Variants in ANKRD27 observed in about 807,000 individuals in gnomAD.
ANKRD27 encodes the protein ankyrin repeat domain 27, also known as ankyrin repeat domain-containing protein 27.
Under a neutral mutation model 129.7 loss-of-function variants are expected in ANKRD27, and 112 were observed. The observed-to-expected ratio is 0.86, with a 90% CI of 0.74 to 1.01. The LOEUF (loss-of-function observed/expected upper bound fraction) is 1.01, where lower values mean the gene tolerates loss of function less well. ANKRD27 is among the 50% of genes least tolerant of loss of function. ANKRD27 has a pLI of 0.00. For synonymous variants in ANKRD27, 516 were observed against 511.2 expected (o/e 1.01, Z -0.13); for missense variants, 1,258 against 1,300.5 (o/e 0.97, Z 0.50).
intron 26 of ANKRD27, among the ~76,000 whole-genome samples, chr19:32,600,750 T>C (rs979688462): frequency 6.6e-6 from 1 of 152,082 alleles, no homozygotes; most frequent in Admixed American, 6.6e-5. Context: ...CTTAACTCCC[T>C]TAACTCCCCC....
At chr19:32,666,949 G>A (rs564195780) in intron 1 of ANKRD27, among the ~76,000 whole-genome samples, 1,877 of 152,134 alleles carry the variant, frequency 0.012, 51 homozygotes, top group African/African-American at 0.043. Flanking sequence ...GCCCAGCCAG[G>A]AGATCAGATT....
At chr19:32,638,781 C>G (rs1967138288) in intron 12 of ANKRD27, 1 of 156,056 alleles carries the variant, frequency 6.4e-6, no homozygotes, top group Non-Finnish European at 1.4e-5. Flanking sequence ...CTGCCCACCC[C>G]ACCTCAGTCG....
rs753577055 is a variant in ANKRD27 at position 32,644,314 on chromosome 19, C to T, written c.525+11G>A. 2.5e-5 allele frequency: 41 copies of T among 1,609,756 alleles called. No individual in the cohort carries two copies. The highest frequency in any genetic ancestry group is 3.4e-5 in the Non-Finnish European group (40 of 1,177,662). On this transcript the variant is annotated intron_variant, in intron 5 of 28. Transcript: ENST00000306065. ...AGGGCACGCCAGGCAGAGGACAGCA[C>T]GGCTACTGACTATGTGGTGACGGAG...
intron 21 of ANKRD27, 25 bp from the exon 22 acceptor site, chr19:32,615,805 AG>A (rs749389746): frequency 4.4e-6 from 7 of 1,606,752 alleles, no homozygotes; most frequent in Non-Finnish European, 6.0e-6. Context: ...TAACGGAAAC[AG>A]GAACACATCC....
At chr19:32,617,660 A>C in intron 20 of ANKRD27, 27 bp from the exon 21 acceptor site, 2 of 723,670 alleles carry the variant, frequency 2.8e-6, no homozygotes, top group Non-Finnish European at 5.1e-6. Context: ...AGAATGTTAG[A>C]AAAATGATTT....
chr19:32,599,883 CATAACCAATT>C, intron 27 of ANKRD27, 79 bp downstream of exon 27: 3 of 1,513,164 alleles, frequency 2.0e-6, no homozygotes, highest in Non-Finnish European at 2.7e-6. Flanking sequence ...CAGATTTGTC[CATAACCAATT>C]ACAATTGAAG....
At chr19:32,600,080 C>T in intron 26 of ANKRD27, 30 bp from the exon 27 acceptor site, 1 of 1,457,356 alleles carries the variant, frequency 6.9e-7, no homozygotes, top group Non-Finnish European at 9.6e-7. Context: ...CATCTAAAAA[C>T]TTCAAAAACA....
chr19:32,644,836 C>T (rs1568412939), intron 4 of ANKRD27, among the ~76,000 whole-genome samples: 1 of 152,194 alleles, frequency 6.6e-6, no homozygotes, highest in Non-Finnish European at 1.5e-5. Context: ...GGGCTGGGCG[C>T]TATAAGAGAC....
rs756058669 is a variant in ANKRD27, at chr19:32,643,415, T to G, written c.639+16A>C. 1 of 1,613,726 alleles carries G rather than the reference T, an allele frequency of 6.2e-7. No homozygotes were observed. Among genetic ancestry groups the G allele is most frequent in the South Asian group, 1.1e-5 (1 of 91,042 alleles). On this transcript the variant is annotated intron_variant, in intron 7 of 28. Transcript: ENST00000306065. Reference sequence around the variant, plus strand: ...GCAACAGGGTGTGCCTCCCAGCCACTCCGCCCCACCCTCACCTCCACTGCC... The same window carrying G: ...GCAACAGGGTGTGCCTCCCAGCCACGCCGCCCCACCCTCACCTCCACTGCC...
chr19:32,637,116 G>A (rs192187029), intron 12 of ANKRD27, among the ~76,000 whole-genome samples: 6 of 152,286 alleles, frequency 3.9e-5, no homozygotes, highest in East Asian at 3.9e-4. Flanking sequence ...ATGCATGAAC[G>A]TGTCAATAAC....
At chr19:32,653,671 T>C (rs1462922642) in intron 2 of ANKRD27, among the ~76,000 whole-genome samples, 4 of 144,080 alleles carry the variant, frequency 2.8e-5, no homozygotes, top group East Asian at 2.2e-4. Context: ...CCTGCCTGGA[T>C]GTGGGGGCAT....
At chr19:32,615,932 G>T in intron 21 of ANKRD27, 152 bp from the exon 22 acceptor site, 1 of 1,016,434 alleles carries the variant, frequency 9.8e-7, no homozygotes, top group Non-Finnish European at 1.4e-6. Flanking sequence ...GCTCCCTCAT[G>T]AAGCCTTCCT....
At chr19:32,653,867 C>A (rs1014235118) in intron 2 of ANKRD27, among the ~76,000 whole-genome samples, 2 of 152,160 alleles carry the variant, frequency 1.3e-5, no homozygotes, top group Non-Finnish European at 2.9e-5. Flanking sequence ...AAGCGTGGTG[C>A]GGTTCACTCT....
intron 22 of ANKRD27, among the ~76,000 whole-genome samples, chr19:32,608,642 A>G (rs1261913385): frequency 6.6e-6 from 1 of 152,190 alleles, no homozygotes; most frequent in African/African-American, 2.4e-5. Flanking sequence ...CTGCATATTT[A>G]TCAGAATGGC....
chr19:32,657,849 C>A (rs1035900827), intron 2 of ANKRD27, among the ~76,000 whole-genome samples: 11 of 151,950 alleles, frequency 7.2e-5, no homozygotes, highest in African/African-American at 2.7e-4. Context: ...GTTGCACACA[C>A]CTGCAATCCC....
At chr19:32,670,160 CTG>C (rs1306040555) in intron 1 of ANKRD27, among the ~76,000 whole-genome samples, 4 of 152,208 alleles carry the variant, frequency 2.6e-5, no homozygotes, top group African/African-American at 7.2e-5. Context: ...CATGCAAGAA[CTG>C]TGTAAACACA....
intron 28 of ANKRD27, among the ~76,000 whole-genome samples, chr19:32,599,447 A>G (rs12462871): frequency 0.27 from 41,402 of 152,200 alleles, 6,939 homozygotes; most frequent in East Asian, 0.73. Flanking sequence ...CATCTCCTAT[A>G]AGCACCAAGA....
At chr19:32,654,041 T>C (rs1406021647) in intron 2 of ANKRD27, among the ~76,000 whole-genome samples, 4 of 152,222 alleles carry the variant, frequency 2.6e-5, no homozygotes, top group Non-Finnish European at 4.4e-5. Context: ...GCTGGGATTA[T>C]AGGCATCTGC....
chr19:32,634,120 C>T (rs953415647), intron 12 of ANKRD27, among the ~76,000 whole-genome samples: 8 of 152,158 alleles, frequency 5.3e-5, no homozygotes, highest in African/African-American at 1.9e-4. Context: ...ATAGTAAAAT[C>T]TAACTGGATG....
Sources: allele counts gnomAD v4.1 joint callset (sites outside exome capture counted in the v4.1 genomes callset), GRCh38; gene constraint gnomAD v4.1.1; transcripts MANE v1.5; gene names NCBI Gene and HGNC (gene_info 2026-07-23, HGNC 2026-07-21).